DCC: variants seen among roughly 807,000 people sequenced by gnomAD.
DCC encodes DCC netrin 1 receptor, also known as netrin receptor DCC.
Under a neutral mutation model 172.5 loss-of-function variants are expected in DCC, and 58 were observed. The ratio of observed to expected loss-of-function variants is 0.34; its 90% CI spans 0.27 to 0.42. The LOEUF is 0.42. Ranked by LOEUF, DCC falls within the 10% of genes least tolerant of loss-of-function variation. DCC has a pLI of 1.00. For synonymous variants in DCC, 709 were observed against 644.5 expected, an observed-to-expected ratio of 1.10 and a Z score of -1.52; for missense variants, 1,740 against 1,791.0, an observed-to-expected ratio of 0.97 and a Z score of 0.51.
At position 53,178,966 on chromosome 18, in the gene DCC, C is replaced by G. The variant is rs546252561; in HGVS notation, c.1423C>G (p.Arg475Gly). The G allele has an allele frequency of 6.2e-7, 1 of 1,613,880 alleles. No homozygotes were observed. Among genetic ancestry groups the G allele is most frequent in the East Asian group, 2.2e-5 (1 of 44,864 alleles). Residue 475 changes from arginine to glycine, a missense_variant, in exon 9 of 29, where the codon CGA becomes GGA. By Grantham distance (125) the Arg-to-Gly change is moderately radical. Around this residue, in one of 2 missense-constraint regions of DCC, gnomAD observed 1,732 missense variants for 1,767.4 expected, o/e 0.98. Transcript: ENST00000442544. ...FFSREGDNRERALNTTQPGSL... is the reference protein window; with the variant it reads ...FFSREGDNREGALNTTQPGSL... ...TCTGCAACTTTGATTTCTCAGGGAA[C>G]GAGCATTGAATACAACACAGCCTGG... is the stretch of plus-strand genomic sequence containing the variant.
chr18:53,053,736 A>G (rs191090535), intron 5 of DCC, among the ~76,000 whole-genome samples: 3 of 152,282 alleles, frequency 2.0e-5, no homozygotes, highest in Admixed American at 2.0e-4. Flanking sequence ...TTCTGTCAGT[A>G]TGCATTGTTT....
intron 1 of DCC, among the ~76,000 whole-genome samples, chr18:52,470,657 C>T (rs76197658): frequency 2.0e-5 from 3 of 152,110 alleles, no homozygotes; most frequent in Admixed American, 2.0e-4. Context: ...GTCAGGAACC[C>T]CAGTGACTTC....
intron 1 of DCC, among the ~76,000 whole-genome samples, chr18:52,516,755 T>A (rs2031656941): frequency 6.6e-6 from 1 of 152,224 alleles, no homozygotes; most frequent in African/African-American, 2.4e-5. Flanking sequence ...AACCTTTATT[T>A]TTTTTCCTGG....
intron 15 of DCC, among the ~76,000 whole-genome samples, chr18:53,351,369 GTATA>G (rs367935409): frequency 3.1e-5 from 1 of 32,356 alleles, no homozygotes; most frequent in South Asian, 7.2e-4. Flanking sequence ...TATATATACT[GTATA>G]TATATATACA....
At chr18:53,014,123 C>T (rs8094933) in intron 5 of DCC, among the ~76,000 whole-genome samples, 114,092 of 151,970 alleles carry the variant, frequency 0.75, 43,150 homozygotes, top group African/African-American at 0.82. Flanking sequence ...ATATTCTGAT[C>T]GTAATGATCA....
intron 15 of DCC, among the ~76,000 whole-genome samples, chr18:53,340,838 G>A (rs542011545): frequency 6.6e-6 from 1 of 152,092 alleles, no homozygotes; most frequent in Non-Finnish European, 1.5e-5. Flanking sequence ...AGGGTGTAGG[G>A]GGTGGGGGGA....
At chr18:52,766,082 G>T (rs908475165) in intron 2 of DCC, among the ~76,000 whole-genome samples, 4 of 152,184 alleles carry the variant, frequency 2.6e-5, no homozygotes, top group Non-Finnish European at 5.9e-5. Context: ...GTCAGCAACT[G>T]GAGTACACAA....
chr18:52,958,365 G>A (rs928885347), intron 5 of DCC, among the ~76,000 whole-genome samples: 8 of 151,962 alleles, frequency 5.3e-5, no homozygotes, highest in African/African-American at 1.7e-4. Context: ...TAATAATATT[G>A]ATCTGTGAAT....
intron 1 of DCC, among the ~76,000 whole-genome samples, chr18:52,744,555 T>C (rs1395180405): frequency 6.6e-6 from 1 of 152,234 alleles, no homozygotes; most frequent in Non-Finnish European, 1.5e-5. Flanking sequence ...ATGTACTCTT[T>C]TAAAAATATG....
intron 12 of DCC, among the ~76,000 whole-genome samples, chr18:53,256,226 C>G (rs537226437): frequency 1.3e-5 from 2 of 152,258 alleles, no homozygotes; most frequent in Admixed American, 6.5e-5. Context: ...AATTAGATCC[C>G]ATTTGTCAAT....
intron 1 of DCC, among the ~76,000 whole-genome samples, chr18:52,682,603 G>C (rs946627904): frequency 1.3e-5 from 2 of 152,092 alleles, no homozygotes; most frequent in African/African-American, 4.8e-5. Context: ...CCAAGCATCT[G>C]CTATGAGGTG....
intron 14 of DCC, among the ~76,000 whole-genome samples, chr18:53,331,364 G>A (rs1359345714): frequency 6.6e-6 from 1 of 152,148 alleles, no homozygotes; most frequent in Non-Finnish European, 1.5e-5. Context: ...ACAGAATAAG[G>A]TTTACGGTTT....
intron 1 of DCC, among the ~76,000 whole-genome samples, chr18:52,654,573 T>C (rs2035208783): frequency 6.6e-6 from 1 of 152,200 alleles, no homozygotes; most frequent in Non-Finnish European, 1.5e-5. Context: ...TGTGTGTTCA[T>C]ATCTGTGTGT....
intron 2 of DCC, among the ~76,000 whole-genome samples, chr18:52,753,564 A>G (rs2037032466): frequency 6.6e-6 from 1 of 152,204 alleles, no homozygotes; most frequent in Admixed American, 6.5e-5. Flanking sequence ...TTTTATTTTA[A>G]TTATAGTGGC....
intron 1 of DCC, among the ~76,000 whole-genome samples, chr18:52,622,065 G>A (rs750502075): frequency 1.3e-5 from 2 of 152,010 alleles, no homozygotes; most frequent in African/African-American, 2.4e-5. Flanking sequence ...GAGGATCATC[G>A]AACATAAAAG....
intron 12 of DCC, among the ~76,000 whole-genome samples, chr18:53,217,148 C>T (rs7243345): frequency 0.19 from 28,279 of 151,754 alleles, 3,680 homozygotes; most frequent in African/African-American, 0.38. Context: ...AATGTTTTCA[C>T]TTGAAACGTG....
intron 1 of DCC, among the ~76,000 whole-genome samples, chr18:52,733,000 C>T (rs938908968): frequency 6.6e-6 from 1 of 152,076 alleles, no homozygotes; most frequent in Non-Finnish European, 1.5e-5. Flanking sequence ...AATGCTAAGT[C>T]AATCTTCTGT....
At chr18:53,001,687 G>A (rs941090964) in intron 5 of DCC, among the ~76,000 whole-genome samples, 1 of 151,798 alleles carries the variant, frequency 6.6e-6, no homozygotes, top group Non-Finnish European at 1.5e-5. Flanking sequence ...TTTCTTTATT[G>A]CCTTTCTTTT....
At chr18:52,786,018 C>T (rs987699350) in intron 2 of DCC, among the ~76,000 whole-genome samples, 2 of 152,066 alleles carry the variant, frequency 1.3e-5, no homozygotes, top group Admixed American at 1.3e-4. Context: ...GTCCACTATT[C>T]CAGTTAGAAG....
Sources: allele counts gnomAD v4.1 joint callset (sites outside exome capture counted in the v4.1 genomes callset), GRCh38; gene constraint gnomAD v4.1.1; regional missense constraint gnomAD v4.1.1; transcripts MANE v1.5; gene names NCBI Gene and HGNC (gene_info 2026-07-23, HGNC 2026-07-21).